The following PARP16 variants were observed in gnomAD, a reference collection of about 807,000 sequenced individuals.
PARP16 encodes poly(ADP-ribose) polymerase family member 16.
A neutral mutation model predicts 35.0 loss-of-function variants in PARP16; 31 were observed. The ratio of observed to expected loss-of-function variants is 0.88; its 90% CI spans 0.66 to 1.19. The LOEUF (loss-of-function observed/expected upper bound fraction) is 1.19, where lower values mean the gene tolerates loss of function less well. Ranked by LOEUF, PARP16 falls within the 50% of genes most tolerant of loss-of-function variation. PARP16 has a pLI of 0.00. For synonymous variants in PARP16, 162 were observed against 169.5 expected (o/e 0.96, Z 0.34); for missense variants, 424 against 411.2 (o/e 1.03, Z -0.27).
chr15:65,248,231 A>G (rs2089263337), intron 2 of PARP16: 1 of 456,368 alleles, frequency 2.2e-6, no homozygotes, highest in Non-Finnish European at 4.4e-6. Flanking sequence ...CCCAGTGCCT[A>G]GTGTGGGGAC....
rs2089627088 is a variant in PARP16, at chr15:65,259,427, A to G, written c.949T>C (p.Trp317Arg). The G allele has an allele frequency of 1.2e-6, 2 of 1,614,146 alleles. No homozygotes were observed. Among genetic ancestry groups the G allele is most frequent in the Non-Finnish European group, 1.7e-6 (2 of 1,180,000 alleles). Reference sequence around the variant, plus strand: ...AAAGATTATCTTTTCGCACGATTCCAAAAGTGTTGGAAAGCAGAGGAGTTG... The same window carrying G: ...AAAGATTATCTTTTCGCACGATTCCGAAAGTGTTGGAAAGCAGAGGAGTTG... ...VINSSAFQHF[W>R]NRAKR Residue 317 changes from tryptophan to arginine, a missense_variant, in exon 6 of 6, where the codon TGG becomes CGG. Transcript: ENST00000649807.
rs1055981734 is a variant in PARP16 at position 65,273,281 on chromosome 15, A to T, written c.175-2209T>A. ...GACAGAGAGAGACTCTGTCTCAAAA[A>T]AAAAAAAAAAAAAGAATACCTGTGG... is the stretch of plus-strand genomic sequence containing the variant. On this transcript the variant is annotated intron_variant, in intron 1 of 5. Transcript: ENST00000649807. Among the ~76,000 whole-genome samples the T allele has an allele frequency of 4.7e-4, 70 of 148,362 alleles. 2 individuals are homozygous for T. Among genetic ancestry groups the T allele is most frequent in the Non-Finnish European group, 2.5e-4 (17 of 66,750 alleles).
intron 2 of PARP16, among the ~76,000 whole-genome samples, chr15:65,268,421 A>G (rs2089976245): frequency 6.6e-6 from 1 of 152,100 alleles, no homozygotes; most frequent in African/African-American, 2.4e-5. Flanking sequence ...CCAACCCACA[A>G]AATCATGAGA....
downstream of PARP16, among the ~76,000 whole-genome samples, chr15:65,231,089 T>C (rs1209041981): frequency 3.3e-5 from 5 of 152,006 alleles, no homozygotes; most frequent in Non-Finnish European, 5.9e-5. Context: ...GGTTTCACCA[T>C]GTTGGCCAGG....
At position 65,286,453 on chromosome 15, in the gene PARP16, A is replaced by G. The variant is rs2090600794; in HGVS notation, c.-27T>C. ...CCAGGTCACTGCGCGTTGCCGGGGTAGACGCGCTGGTTAGGGGCAAGGGCG... is the reference window on the plus strand; with the variant it reads ...CCAGGTCACTGCGCGTTGCCGGGGTGGACGCGCTGGTTAGGGGCAAGGGCG... On this transcript the variant is annotated 5_prime_UTR_variant, in exon 1 of 6. Coordinates refer to ENST00000649807, the MANE Select transcript of PARP16 (RefSeq NM_001316943.2). 6.9e-7 allele frequency: 1 copy of G among 1,443,458 alleles called. No homozygotes were observed. The highest frequency in any genetic ancestry group is 2.7e-5 in the East Asian group (1 of 36,584). 89.4% of individuals were successfully genotyped at this position (1,443,458 alleles called of 1,614,324 possible). A position where few individuals can be genotyped will look rare whatever the true frequency, so the allele number is the denominator to read the frequency against.
At chr15:65,247,798 CTTTTTTTTTTTT>C (rs930896140) in intron 3 of PARP16, among the ~76,000 whole-genome samples, 10 of 90,994 alleles carry the variant, frequency 1.1e-4, no homozygotes, top group African/African-American at 2.6e-4. Context: ...ATGGATTGTT[CTTTTTTTTTTTT>C]TTTTTTTTTT....
At position 65,267,678 on chromosome 15, in the gene PARP16, C is replaced by CTTTTTTTTTTTT. The variant is rs556058787; in HGVS notation, c.313-922_313-911dup. ...TGGAGATCACTTCTAATTTTCCTAA[C>CTTTTTTTTTTTT]TTTTTTTTTTTTTTTTTTTTTTTTT... On this transcript the variant is annotated intron_variant, in intron 2 of 5. Transcript: ENST00000649807. Among the ~76,000 whole-genome samples, 13 of 53,060 alleles carry CTTTTTTTTTTTT rather than the reference C, an allele frequency of 2.5e-4. 4 individuals carry two copies. Among genetic ancestry groups the CTTTTTTTTTTTT allele is most frequent in the Non-Finnish European group, 3.2e-4 (10 of 30,778 alleles). 34.8% of individuals were successfully genotyped at this position (53,060 alleles called of 152,430 possible).
At chr15:65,281,929 C>T (rs1288449534) in intron 1 of PARP16, among the ~76,000 whole-genome samples, 1 of 152,210 alleles carries the variant, frequency 6.6e-6, no homozygotes, top group Non-Finnish European at 1.5e-5. Context: ...TGTAATAACA[C>T]CTCACAGTGT....
intron 3 of PARP16, among the ~76,000 whole-genome samples, chr15:65,247,564 T>C (rs1459479074): frequency 6.6e-6 from 1 of 152,140 alleles, no homozygotes; most frequent in Non-Finnish European, 1.5e-5. Context: ...ATTCTACAGA[T>C]GAGAGGCCAG....
intron 2 of PARP16, among the ~76,000 whole-genome samples, chr15:65,248,719 T>G (rs1262893676): frequency 6.6e-6 from 1 of 152,206 alleles, no homozygotes; most frequent in East Asian, 1.9e-4. Flanking sequence ...GTCTGCCTCC[T>G]TCCCCCTCCT....
At chr15:65,260,389 A>G (rs1234158564) in intron 5 of PARP16, among the ~76,000 whole-genome samples, 1 of 152,178 alleles carries the variant, frequency 6.6e-6, no homozygotes, top group East Asian at 1.9e-4. Context: ...TAAGGTCTGA[A>G]GGCCCACATC....
chr15:65,271,952 G>A (rs2140920299), intron 1 of PARP16, among the ~76,000 whole-genome samples: 1 of 152,338 alleles, frequency 6.6e-6, no homozygotes, highest in Non-Finnish European at 1.5e-5. Flanking sequence ...AATGGGGAAT[G>A]CATAACTTTG....
chr15:65,246,255 T>C (rs2089206221), intron 3 of PARP16, among the ~76,000 whole-genome samples: 2 of 151,992 alleles, frequency 1.3e-5, no homozygotes, highest in African/African-American at 2.4e-5. Context: ...TTTAACAGGC[T>C]CTAGGGGATT....
chr15:65,240,114 C>A (rs565747419), intron 3 of PARP16, among the ~76,000 whole-genome samples: 1 of 151,384 alleles, frequency 6.6e-6, no homozygotes, highest in South Asian at 2.1e-4. Context: ...CAGGCATGAA[C>A]CACGACATGC....
intron 1 of PARP16, among the ~76,000 whole-genome samples, chr15:65,283,698 G>A (rs988636841): frequency 8.5e-5 from 13 of 152,132 alleles, no homozygotes; most frequent in African/African-American, 2.9e-4. Context: ...CTTGCTCTGG[G>A]CTTCCATGTT....
chr15:65,263,275 G>A lies in PARP16; in HGVS notation c.565C>T (p.Leu189=). Residue 189 remains leucine, a synonymous_variant, in exon 4 of 6, where the codon CTG becomes TTG. Coordinates refer to ENST00000649807, the MANE Select transcript of PARP16 (RefSeq NM_001316943.2). ...EGTYLTSDLS[L]ALIYSPHGHG... ...CCATGGGGGCTGTATATGAGGGCCA[G>A]GCTCAAGTCACTGGTGAGGTAGGTC... 1 of 1,611,800 alleles carries A rather than the reference G, an allele frequency of 6.2e-7. No homozygotes were observed. Among genetic ancestry groups the A allele is most frequent in the Non-Finnish European group, 8.5e-7 (1 of 1,178,818 alleles).
downstream of PARP16, among the ~76,000 whole-genome samples, chr15:65,255,385 T>C (rs2140800695): frequency 6.6e-6 from 1 of 152,218 alleles, no homozygotes; most frequent in African/African-American, 2.4e-5. Context: ...GTTTAGTACA[T>C]AAATATATTC....
intron 1 of PARP16, among the ~76,000 whole-genome samples, chr15:65,275,484 CA>C (rs1186174464): frequency 6.6e-6 from 1 of 152,080 alleles, no homozygotes; most frequent in African/African-American, 2.4e-5. Flanking sequence ...GGAGATTAAT[CA>C]AGTTAAACAA....
chr15:65,286,467 G>A lies in PARP16; in HGVS notation c.-41C>T. 2 of 1,387,964 alleles carry A rather than the reference G, an allele frequency of 1.4e-6. No individual in the cohort carries two copies. The highest frequency in any genetic ancestry group is 1.5e-5 in the African/African-American group (1 of 65,790). The allele number at this position is 1,387,964 out of a possible 1,614,324, so 86.0% of individuals were successfully genotyped here. A position where few individuals can be genotyped will look rare whatever the true frequency, so the allele number is the denominator to read the frequency against. On this transcript the variant is annotated 5_prime_UTR_variant, in exon 1 of 6. Coordinates refer to ENST00000649807, the MANE Select transcript of PARP16 (RefSeq NM_001316943.2). The stretch of plus-strand genomic sequence containing the variant: ...GTTGCCGGGGTAGACGCGCTGGTTA[G>A]GGGCAAGGGCGAGCGTGCGTTCAGC...
Sources: allele counts gnomAD v4.1 joint callset (sites outside exome capture counted in the v4.1 genomes callset), GRCh38; gene constraint gnomAD v4.1.1; transcripts MANE v1.5; gene names NCBI Gene and HGNC (gene_info 2026-07-23, HGNC 2026-07-21).